MID2: variants seen among roughly 807,000 people sequenced by gnomAD.
The protein encoded by MID2 is midline 2, also known as probable E3 ubiquitin-protein ligase MID2.
A neutral mutation model predicts 46.1 loss-of-function variants in MID2; 13 were observed. The ratio of observed to expected loss-of-function variants is 0.28; its 90% confidence interval spans 0.18 to 0.45. MID2 has a LOEUF of 0.45. Ranked by LOEUF, MID2 falls within the 20% of genes least tolerant of loss-of-function variation. The pLI is 1.00. For synonymous variants in MID2, 199 were observed against 212.3 expected (o/e 0.94, Z 0.55); for missense variants, 431 against 575.4 (o/e 0.75, Z 2.57).
At chrX:107,896,812 TCACA>T (rs755737344) in intron 3 of MID2, among the ~76,000 whole-genome samples, 2 of 107,533 alleles carry the variant, frequency 1.9e-5, no homozygotes, top group South Asian at 3.9e-4. Flanking sequence ...TCTCTCTCTC[TCACA>T]CACACACACA....
intron 5 of MID2, among the ~76,000 whole-genome samples, chrX:107,910,991 C>T (rs1005575590): frequency 3.9e-5 from 4 of 102,570 alleles, no homozygotes; most frequent in African/African-American, 1.4e-4. Flanking sequence ...GTAGCTGGGA[C>T]TACAGGCTCA....
At chrX:107,866,739 A>T (rs1302853512) in intron 3 of MID2, among the ~76,000 whole-genome samples, 7 of 112,282 alleles carry the variant, frequency 6.2e-5, no homozygotes, top group African/African-American at 2.3e-4. Flanking sequence ...AATATAAAAT[A>T]ATTTAAACTG....
intron 3 of MID2, among the ~76,000 whole-genome samples, chrX:107,872,848 C>T (rs1048913652): frequency 4.6e-5 from 5 of 108,841 alleles, no homozygotes; most frequent in Admixed American, 9.7e-5. Flanking sequence ...AGAAATCATT[C>T]GTGAGAAAAG....
intron 4 of MID2, among the ~76,000 whole-genome samples, chrX:107,904,546 G>A (rs991390823): frequency 9.0e-6 from 1 of 111,149 alleles, no homozygotes; most frequent in Admixed American, 9.6e-5. Context: ...CCAAAGTCAG[G>A]GTAGCAAGTT....
chrX:107,922,187 T>C (rs1053237310), intron 7 of MID2, among the ~76,000 whole-genome samples: 1 of 112,072 alleles, frequency 8.9e-6, no homozygotes, highest in Non-Finnish European at 1.9e-5. Context: ...TCTGTATTTG[T>C]ATGTTCCTTC....
intron 3 of MID2, chrX:107,896,174 C>T (rs1459572653): frequency 9.1e-6 from 1 of 110,295 alleles, no homozygotes; most frequent in Non-Finnish European, 1.9e-5. Context: ...TGATGAAACC[C>T]ATCTCTACTA....
Position 107,929,851 on chromosome X carries a change from C to G in MID2, c.*2778C>G, listed in dbSNP as rs1341321154. Among the ~76,000 whole-genome samples the G allele has an allele frequency of 2.7e-5, 3 of 111,733 alleles. No individual in the cohort carries two copies. Among genetic ancestry groups the G allele is most frequent in the Non-Finnish European group, 5.7e-5 (3 of 53,040 alleles). On this transcript the variant is annotated 3_prime_UTR_variant, in exon 10 of 10. Transcript: ENST00000262843. Reference sequence around the variant, plus strand: ...AAAGACACCCCAAGCATCCCCCTCTCTCAGCAATAATCACATTGTATAGCA... The same window carrying G: ...AAAGACACCCCAAGCATCCCCCTCTGTCAGCAATAATCACATTGTATAGCA...
chrX:107,906,381 C>A (rs1932835629), intron 5 of MID2, among the ~76,000 whole-genome samples: 1 of 111,398 alleles, frequency 9.0e-6, no homozygotes, highest in Admixed American at 9.5e-5. Context: ...AACCACATGG[C>A]TGACTCATCT....
chrX:107,859,468 G>A (rs1026009367), intron 3 of MID2, among the ~76,000 whole-genome samples: 13 of 112,006 alleles, frequency 1.2e-4, no homozygotes, highest in African/African-American at 4.2e-4. Context: ...GGTATTAGTG[G>A]AGGTGTAAAT....
In MID2 at chrX:107,886,006, T is replaced by C. The variant is rs756361414; in HGVS notation, c.817-17952T>C. On this transcript the variant is annotated intron_variant, in intron 3 of 9. Transcript: ENST00000262843. Reference sequence around the variant, plus strand: ...CTTGTAAATTTGTTTGAGTTCATTGTAGATTCTGGATATTAGCCCTTTGTT... The same window carrying C: ...CTTGTAAATTTGTTTGAGTTCATTGCAGATTCTGGATATTAGCCCTTTGTT... Among the ~76,000 whole-genome samples the C allele has an allele frequency of 4.5e-5, 5 of 112,298 alleles. No individual in the cohort carries two copies. In the South Asian group the frequency reaches 1.8e-3, roughly 42 times the overall value.
Position 107,840,947 on chromosome X carries a change from G to C in MID2, c.282G>C (p.Lys94Asn). The change falls in exon 2 of 10, where the codon AAG (lysine) becomes AAC (asparagine). Residue 94 changes from lysine to asparagine, a missense_variant. By Grantham distance (94) the Lys-to-Asn change is moderately conservative (BLOSUM62 0). Transcript: ENST00000262843. ...ACCACCGGGGCCTGGATGGCCTCAA[G>C]AGGAATGTGACTCTGCAGAACATTA... ...SLNHRGLDGL[K>N]RNVTLQNIID... 3.3e-6 allele frequency: 4 copies of C among 1,211,677 alleles called. No homozygotes were observed. The highest frequency in any genetic ancestry group is 4.5e-6 in the Non-Finnish European group (4 of 895,499).
chrX:107,864,122 A>T (rs1931910649), intron 3 of MID2, among the ~76,000 whole-genome samples: 1 of 112,062 alleles, frequency 8.9e-6, no homozygotes, highest in Non-Finnish European at 1.9e-5. Flanking sequence ...CCTAGTGGAG[A>T]AGTTGTTGGT....
At chrX:107,849,529 T>TG (rs964363977) in intron 2 of MID2, among the ~76,000 whole-genome samples, 2 of 110,884 alleles carry the variant, frequency 1.8e-5, no homozygotes, top group Non-Finnish European at 3.8e-5. Context: ...TTTCTGTTAA[T>TG]GGGATGCTGT....
At chrX:107,892,972 C>G (rs1048734353) in intron 3 of MID2, among the ~76,000 whole-genome samples, 1 of 112,739 alleles carries the variant, frequency 8.9e-6, no homozygotes, top group Admixed American at 9.4e-5. Flanking sequence ...CCTTATCTAT[C>G]TCGTGTATTG....
intron 3 of MID2, among the ~76,000 whole-genome samples, chrX:107,856,452 CTATT>C (rs1433774056): frequency 8.9e-6 from 1 of 112,240 alleles, no homozygotes; most frequent in East Asian, 2.8e-4. Flanking sequence ...ATCAAAAAGA[CTATT>C]AAGTACAGAA....
intron 3 of MID2, among the ~76,000 whole-genome samples, chrX:107,865,641 G>A (rs1266064872): frequency 1.9e-5 from 2 of 108,018 alleles, no homozygotes; most frequent in Non-Finnish European, 3.8e-5. Context: ...GGAGGATGTT[G>A]CCTTTTGTTT....
intron 3 of MID2, among the ~76,000 whole-genome samples, chrX:107,878,774 T>C (rs1782782059): frequency 8.9e-6 from 1 of 112,298 alleles, no homozygotes; most frequent in Non-Finnish European, 1.9e-5. Flanking sequence ...TCCTGCCCCC[T>C]GCAAGTGGCA....
chrX:107,861,250 T>C (rs1361343192), intron 3 of MID2, among the ~76,000 whole-genome samples: 1 of 111,924 alleles, frequency 8.9e-6, no homozygotes, highest in African/African-American at 3.2e-5. Context: ...TCATTAGTCA[T>C]CTTTGAGGGA....
intron 3 of MID2, among the ~76,000 whole-genome samples, chrX:107,888,646 G>T (rs780013570): frequency 8.9e-6 from 1 of 111,924 alleles, no homozygotes; most frequent in Admixed American, 9.4e-5. Flanking sequence ...TTGGTGCAGA[G>T]CTGAGTTCAA....
Sources: allele counts gnomAD v4.1 joint callset (sites outside exome capture counted in the v4.1 genomes callset), GRCh38; gene constraint gnomAD v4.1.1; transcripts MANE v1.5; gene names NCBI Gene and HGNC (gene_info 2026-07-23, HGNC 2026-07-21).